Variants in CACNG4 observed in about 807,000 individuals in gnomAD.
CACNG4 encodes the protein calcium voltage-gated channel auxiliary subunit gamma 4, also known as voltage-dependent calcium channel gamma-4 subunit.
In CACNG4, 8 loss-of-function variants were observed where a neutral mutation model predicts 22.9. The ratio of observed to expected loss-of-function variants is 0.35; its 90% CI spans 0.21 to 0.63. The LOEUF is 0.63. Among genes scored for constraint, CACNG4 ranks in the 30% least tolerant of loss-of-function variants. The pLI is 0.72. For missense variants in CACNG4, 357 were observed against 455.4 expected, an observed-to-expected ratio of 0.78 and a Z score of 1.97; for synonymous variants, 188 against 191.9, an observed-to-expected ratio of 0.98 and a Z score of 0.17.
At chr17:66,996,158 C>A (rs1326300680) in intron 1 of CACNG4, among the ~76,000 whole-genome samples, 1 of 152,138 alleles carries the variant, frequency 6.6e-6, no homozygotes, top group Admixed American at 6.5e-5. Flanking sequence ...GCACCGCATG[C>A]TCTGCCAATG....
chr17:67,018,864 C>T (rs1015043273), intron 2 of CACNG4, among the ~76,000 whole-genome samples: 3 of 152,230 alleles, frequency 2.0e-5, no homozygotes, highest in Admixed American at 1.3e-4. Flanking sequence ...TGGGAGCCCC[C>T]ACCTGCTCCT....
chr17:67,001,280 T>A (rs1456875958), intron 1 of CACNG4, among the ~76,000 whole-genome samples: 2 of 152,130 alleles, frequency 1.3e-5, no homozygotes. Flanking sequence ...CAGTCTGGGG[T>A]ATGCCTTTAT....
intron 1 of CACNG4, among the ~76,000 whole-genome samples, chr17:67,009,366 C>G (rs1396820965): frequency 8.0e-6 from 1 of 125,342 alleles, no homozygotes; most frequent in Non-Finnish European, 1.6e-5. Flanking sequence ...CCTCCAGTCC[C>G]TCTTCTGAAA....
At chr17:67,019,142 A>C (rs1465310790) in intron 2 of CACNG4, among the ~76,000 whole-genome samples, 2 of 152,144 alleles carry the variant, frequency 1.3e-5, no homozygotes, top group Non-Finnish European at 2.9e-5. Flanking sequence ...GTTGATGGAG[A>C]ATCAATACCA....
At chr17:67,020,650 T>C (rs1225895233) in intron 2 of CACNG4, among the ~76,000 whole-genome samples, 1 of 152,182 alleles carries the variant, frequency 6.6e-6, no homozygotes, top group Non-Finnish European at 1.5e-5. Context: ...TCTTTGATCA[T>C]CCTTTTATCT....
chr17:67,022,500 G>A (rs751344257), intron 2 of CACNG4, among the ~76,000 whole-genome samples: 3 of 152,242 alleles, frequency 2.0e-5, no homozygotes, highest in Admixed American at 6.5e-5. Context: ...AGAAGGCAGA[G>A]AGGAATCGGA....
At chr17:66,967,623 C>A (rs1482252297) in intron 1 of CACNG4, among the ~76,000 whole-genome samples, 2 of 152,146 alleles carry the variant, frequency 1.3e-5, no homozygotes, top group African/African-American at 4.8e-5. Context: ...TGCATTGTTT[C>A]CACCTGTTCT....
chr17:67,009,037 T>G (rs1176498110), intron 1 of CACNG4, among the ~76,000 whole-genome samples: 6 of 151,942 alleles, frequency 3.9e-5, no homozygotes, highest in African/African-American at 7.3e-5. Flanking sequence ...CATAGACACA[T>G]GCACACAGAG....
rs537117431 is a variant in CACNG4 at position 67,027,215 on chromosome 17, C to A, written c.445+2215C>A. 2.2e-4 allele frequency among the ~76,000 whole-genome samples: 33 copies of A among 152,338 alleles called. No homozygotes were observed. The highest frequency in any genetic ancestry group is 7.7e-4 in the African/African-American group (32 of 41,584). ...TGCCCAGGGCTGCCAGCCTCCAAAG[C>A]CCTTCGAGGTGCCCCCTGCAGCTGC... is the stretch of plus-strand genomic sequence containing the variant. On this transcript the variant is annotated intron_variant, in intron 3 of 3. Coordinates refer to ENST00000262138, the MANE Select transcript of CACNG4 (RefSeq NM_014405.4). This position sits in a 1 kb window ranked among gnomAD's most constrained non-coding sequence, Gnocchi z 4.3.
intron 1 of CACNG4, among the ~76,000 whole-genome samples, chr17:66,975,971 G>C (rs531320558): frequency 2.8e-4 from 43 of 152,234 alleles, no homozygotes; most frequent in Non-Finnish European, 5.9e-4. Flanking sequence ...AGGAACTGGG[G>C]AACTTCCAGT....
At chr17:66,972,443 C>A (rs373969023) in intron 1 of CACNG4, among the ~76,000 whole-genome samples, 3 of 152,178 alleles carry the variant, frequency 2.0e-5, no homozygotes, top group Non-Finnish European at 4.4e-5. Context: ...CAGTAGCGCT[C>A]CTCCTTCTCC....
intron 1 of CACNG4, among the ~76,000 whole-genome samples, chr17:66,999,644 A>G (rs2035396060): frequency 6.6e-6 from 1 of 152,172 alleles, no homozygotes; most frequent in South Asian, 2.1e-4. Context: ...TATCAGGAGA[A>G]CACCACGGGG....
intron 1 of CACNG4, among the ~76,000 whole-genome samples, chr17:67,012,559 C>T (rs1349811156): frequency 2.6e-5 from 4 of 152,156 alleles, no homozygotes; most frequent in Non-Finnish European, 5.9e-5. Context: ...TTCAGAACTG[C>T]CCACCAAGGG....
At chr17:66,972,433 C>T (rs961240948) in intron 1 of CACNG4, among the ~76,000 whole-genome samples, 3 of 152,196 alleles carry the variant, frequency 2.0e-5, no homozygotes, top group African/African-American at 7.2e-5. Flanking sequence ...GCACTGGAAC[C>T]AGTAGCGCTC....
At chr17:66,992,609 G>A (rs935864571) in intron 1 of CACNG4, among the ~76,000 whole-genome samples, 4 of 152,208 alleles carry the variant, frequency 2.6e-5, no homozygotes, top group African/African-American at 9.6e-5. Flanking sequence ...GGGCCCCTTC[G>A]AGGCATCCCA....
chr17:67,026,281 G>A lies in CACNG4; in HGVS notation c.445+1281G>A, dbSNP rs111210771. Among the ~76,000 whole-genome samples the A allele has an allele frequency of 2.0e-3, 310 of 151,620 alleles. 1 individual carries two copies. Among genetic ancestry groups the A allele is most frequent in the African/African-American group, 7.2e-3 (296 of 41,316 alleles). On this transcript the variant is annotated intron_variant, in intron 3 of 3. Coordinates refer to ENST00000262138, the MANE Select transcript of CACNG4 (RefSeq NM_014405.4). ...GGTGTTTGTGTGTGCGAGGAGTGTGGTGTGTTTGTGCGTGTTAAGAGTGTG... is the reference window on the plus strand; with the variant it reads ...GGTGTTTGTGTGTGCGAGGAGTGTGATGTGTTTGTGCGTGTTAAGAGTGTG...
intron 3 of CACNG4, 96 bp downstream of exon 3, chr17:67,025,096 G>A (rs1360587968): frequency 1.0e-5 from 12 of 1,200,302 alleles, no homozygotes. Context: ...GTGCATCCTA[G>A]AGGGGAATGC....
intron 2 of CACNG4, among the ~76,000 whole-genome samples, chr17:67,020,866 G>A (rs1179719726): frequency 6.6e-6 from 1 of 152,182 alleles, no homozygotes; most frequent in African/African-American, 2.4e-5. Flanking sequence ...GCTGATATTT[G>A]CAAGAAGTGA....
chr17:67,028,769 G>A (rs531191500), intron 3 of CACNG4, among the ~76,000 whole-genome samples: 1 of 152,296 alleles, frequency 6.6e-6, no homozygotes, highest in Admixed American at 6.5e-5. Context: ...TCACACACTG[G>A]TATTTGGTAG....
Sources: gnomAD v4.1 joint callset for allele counts (sites outside exome capture counted in the v4.1 genomes callset) on GRCh38, gnomAD v4.1.1 for gene constraint, Gnocchi (gnomAD v3.1) non-coding constraint, MANE v1.5 for transcripts, NCBI Gene and HGNC (gene_info 2026-07-23, HGNC 2026-07-21) for gene names.